Variants in WWOX observed in about 807,000 individuals in gnomAD.
WWOX encodes WW domain containing oxidoreductase, also known as WW domain-containing oxidoreductase.
WWOX carries 69 observed loss-of-function variants against 46.2 expected under a neutral mutation model. The ratio of observed to expected loss-of-function variants is 1.49; its 90% CI spans 1.23 to 1.82. The LOEUF is 1.82. WWOX is among the 40% of genes most tolerant of loss of function. WWOX has a pLI of 0.00. For synonymous variants in WWOX, 359 were observed against 202.6 expected (o/e 1.77, Z -6.56); for missense variants, 919 against 542.6 (o/e 1.69, Z -6.89).
chr16:78,637,441 C>CAA (rs11426631), intron 8 of WWOX, among the ~76,000 whole-genome samples: 1,968 of 139,380 alleles, frequency 0.014, 21 homozygotes, highest in Middle Eastern at 0.037. Flanking sequence ...AACTCTGTCT[C>CAA]AAAAAAAAAA....
At chr16:79,133,562 T>A (rs2049924111) in intron 8 of WWOX, among the ~76,000 whole-genome samples, 1 of 152,216 alleles carries the variant, frequency 6.6e-6, no homozygotes, top group South Asian at 2.1e-4. Flanking sequence ...TCATTCTGTT[T>A]CTTTATTATT....
chr16:79,068,874 G>A lies in WWOX; in HGVS notation c.1057-142734G>A, dbSNP rs186514491. Among the ~76,000 whole-genome samples, 395 of 150,460 alleles carry A rather than the reference G, an allele frequency of 2.6e-3. 2 individuals carry two copies. Among genetic ancestry groups the A allele is most frequent in the African/African-American group, 9.4e-3 (387 of 41,136 alleles). On this transcript the variant is annotated intron_variant, in intron 8 of 8. Coordinates refer to ENST00000566780, the MANE Select transcript of WWOX (RefSeq NM_016373.4). ...ATAATAATAATAATAAAGAAAGCGA[G>A]AGAGGAGGTAGGGAATGAATGCCGA...
intron 6 of WWOX, among the ~76,000 whole-genome samples, chr16:78,393,836 T>C (rs2082229273): frequency 6.6e-6 from 1 of 151,416 alleles, no homozygotes; most frequent in Non-Finnish European, 1.5e-5. Context: ...TATAGAACAG[T>C]GGTGTTTTTT....
At chr16:79,209,143 T>C (rs956631211) in intron 8 of WWOX, among the ~76,000 whole-genome samples, 4 of 152,202 alleles carry the variant, frequency 2.6e-5, no homozygotes, top group Non-Finnish European at 5.9e-5. Context: ...GATAAAAAGT[T>C]AGGCTTTTCA....
chr16:78,121,610 T>C (rs2033096012), intron 4 of WWOX, among the ~76,000 whole-genome samples: 1 of 152,154 alleles, frequency 6.6e-6, no homozygotes, highest in East Asian at 1.9e-4. Context: ...ATATATATTT[T>C]TAAAATAAAT....
chr16:78,471,168 G>A (rs570586772), intron 8 of WWOX, among the ~76,000 whole-genome samples: 1 of 152,322 alleles, frequency 6.6e-6, no homozygotes, highest in African/African-American at 2.4e-5. Flanking sequence ...TCCTCACGTT[G>A]CAGAACACTG....
chr16:79,074,495 G>T (rs1435441698), intron 8 of WWOX, among the ~76,000 whole-genome samples: 1 of 145,508 alleles, frequency 6.9e-6, no homozygotes, highest in African/African-American at 2.6e-5. Flanking sequence ...TGGGCAGTGT[G>T]GGGGAATGGA....
intron 8 of WWOX, among the ~76,000 whole-genome samples, chr16:78,652,145 C>G (rs527498887): frequency 6.6e-6 from 1 of 151,768 alleles, no homozygotes; most frequent in Admixed American, 6.6e-5. Context: ...GGCGTGGTGG[C>G]TCACACCTGT....
intron 8 of WWOX, among the ~76,000 whole-genome samples, chr16:79,168,699 C>T (rs1479001266): frequency 2.0e-5 from 3 of 152,072 alleles, no homozygotes; most frequent in Non-Finnish European, 2.9e-5. Flanking sequence ...TGTGAAGCCC[C>T]TCAGGGAAGA....
intron 8 of WWOX, among the ~76,000 whole-genome samples, chr16:78,486,944 C>T (rs1597152874): frequency 6.6e-6 from 1 of 152,186 alleles, no homozygotes; most frequent in African/African-American, 2.4e-5. Context: ...CAGGCTCATT[C>T]CTAACAGGGC....
chr16:78,259,241 A>T (rs2038215239), intron 5 of WWOX, among the ~76,000 whole-genome samples: 1 of 152,258 alleles, frequency 6.6e-6, no homozygotes, highest in Non-Finnish European at 1.5e-5. Context: ...AAAGTGATAC[A>T]AAAGACCAAG....
At chr16:79,003,477 T>G (rs1418078199) in intron 8 of WWOX, among the ~76,000 whole-genome samples, 1 of 152,186 alleles carries the variant, frequency 6.6e-6, no homozygotes, top group Non-Finnish European at 1.5e-5. Context: ...CGACAACAGT[T>G]TTATTACATC....
intron 8 of WWOX, among the ~76,000 whole-genome samples, chr16:78,951,814 C>G (rs1012123407): frequency 2.0e-5 from 3 of 152,136 alleles, no homozygotes; most frequent in Admixed American, 6.5e-5. Context: ...CAGGAAAGGT[C>G]TGAGCAGAGT....
chr16:78,391,266 A>C (rs780693782), intron 6 of WWOX, among the ~76,000 whole-genome samples: 1 of 152,222 alleles, frequency 6.6e-6, no homozygotes, highest in Non-Finnish European at 1.5e-5. Flanking sequence ...GCTGCTAGGC[A>C]ACTTGTTGTT....
chr16:78,702,425 C>T (rs911907378), intron 8 of WWOX, among the ~76,000 whole-genome samples: 3 of 151,734 alleles, frequency 2.0e-5, no homozygotes, highest in South Asian at 2.1e-4. Context: ...CTGAGGTGGG[C>T]AGATCCCATG....
intron 5 of WWOX, among the ~76,000 whole-genome samples, chr16:78,360,118 A>G (rs2081378883): frequency 6.6e-6 from 1 of 152,218 alleles, no homozygotes; most frequent in African/African-American, 2.4e-5. Flanking sequence ...AAAAACAACG[A>G]CAAAAATCAA....
intron 8 of WWOX, among the ~76,000 whole-genome samples, chr16:79,032,750 T>C (rs1386760947): frequency 6.6e-6 from 1 of 151,340 alleles, no homozygotes; most frequent in Non-Finnish European, 1.5e-5. Context: ...AGTACCAGGG[T>C]TCTTCTTTTT....
intron 8 of WWOX, among the ~76,000 whole-genome samples, chr16:78,915,890 A>C (rs368899136): frequency 6.6e-6 from 1 of 152,344 alleles, no homozygotes; most frequent in Non-Finnish European, 1.5e-5. Flanking sequence ...AAAATAGAAG[A>C]AGCCTGAATT....
At chr16:78,513,068 A>G (rs564297914) in intron 8 of WWOX, among the ~76,000 whole-genome samples, 2 of 152,302 alleles carry the variant, frequency 1.3e-5, no homozygotes, top group African/African-American at 4.8e-5. Flanking sequence ...TTAAGTAGTA[A>G]ACGTAATGAA....
Sources: gnomAD v4.1 joint callset for allele counts (sites outside exome capture counted in the v4.1 genomes callset) on GRCh38, gnomAD v4.1.1 for gene constraint, MANE v1.5 for transcripts, NCBI Gene and HGNC (gene_info 2026-07-23, HGNC 2026-07-21) for gene names.